BAIAP2L2: variants seen among roughly 807,000 people sequenced by gnomAD.
The protein encoded by BAIAP2L2 is BAR/IMD domain-containing adapter protein 2-like 2.
BAIAP2L2 carries 65 observed loss-of-function variants against 60.4 expected under a neutral mutation model. That is an observed-to-expected ratio of 1.08 (90% confidence interval 0.88 to 1.32). The LOEUF (loss-of-function observed/expected upper bound fraction) is 1.32, where lower values mean the gene tolerates loss of function less well. BAIAP2L2 is among the 40% of genes most tolerant of loss of function. BAIAP2L2 has a pLI of 0.00. For synonymous variants in BAIAP2L2, 344 were observed against 301.7 expected, an observed-to-expected ratio of 1.14 and a Z score of -1.45; for missense variants, 836 against 741.2, an observed-to-expected ratio of 1.13 and a Z score of -1.48.
At chr22:38,095,204 G>A (rs1352717933) in intron 7 of BAIAP2L2, among the ~76,000 whole-genome samples, 2 of 151,970 alleles carry the variant, frequency 1.3e-5, no homozygotes, top group Non-Finnish European at 2.9e-5. Flanking sequence ...AAAATACAAG[G>A]GTCATGCTGC....
chr22:38,105,912 T>C (rs569842049), intron 4 of BAIAP2L2, among the ~76,000 whole-genome samples: 41 of 152,286 alleles, frequency 2.7e-4, no homozygotes, highest in African/African-American at 9.1e-4. Context: ...CTGGCACTGT[T>C]CTGTCTGGTA....
rs771221740 is a variant in BAIAP2L2, at chr22:38,085,321, G to A, written c.1569C>T (p.Arg523=). Residue 523 remains arginine, a synonymous_variant, in exon 14 of 14, where the codon CGC becomes CGT. Coordinates refer to ENST00000381669, the MANE Select transcript of BAIAP2L2 (RefSeq NM_025045.6). ...VKLRPTITND[R]SAPLIR is the part of the protein sequence containing the mutation. ...CGCCTCAGCGGATGAGGGGTGCTGA[G>A]CGGTCATTGGTGATGGTGGGACGAA... 1 of 1,614,082 alleles carries A rather than the reference G, an allele frequency of 6.2e-7. No individual in the cohort carries two copies. The highest frequency in any genetic ancestry group is 8.5e-7 in the Non-Finnish European group (1 of 1,179,972).
intron 7 of BAIAP2L2, among the ~76,000 whole-genome samples, chr22:38,094,558 CTG>C (rs372596112): frequency 2.6e-5 from 4 of 152,276 alleles, no homozygotes; most frequent in African/African-American, 9.6e-5. Flanking sequence ...ATGCATGACT[CTG>C]TGAATATACT....
chr22:38,084,995 G>A lies in BAIAP2L2; in HGVS notation c.*305C>T, dbSNP rs947113653. ...GCAGGTACAAGGGGCTCCTCCCCAC[G>A]GGGGCAGAAAAGGGGGAAAGAGGTT... On this transcript the variant is annotated 3_prime_UTR_variant, in exon 14 of 14. Transcript: ENST00000381669. 13 of 339,634 alleles carry A rather than the reference G, an allele frequency of 3.8e-5. No homozygotes were observed. Among genetic ancestry groups the A allele is most frequent in the South Asian group, 6.5e-5 (2 of 30,966 alleles). 21.0% of individuals were successfully genotyped at this position (339,634 alleles called of 1,614,324 possible).
rs1196548760 is a variant in BAIAP2L2, at chr22:38,110,042, GGA to G, written c.51+431_51+432del. ...TCAGAAATGAGAGAGACAGAGACAG[GGA>G]GAGACAGAGAGAGAGAGAGAGACAG... On this transcript the variant is annotated intron_variant, in intron 1 of 13. Coordinates refer to ENST00000381669, the MANE Select transcript of BAIAP2L2 (RefSeq NM_025045.6). Among the ~76,000 whole-genome samples, 7 of 1,608 alleles carry G rather than the reference GGA, an allele frequency of 4.4e-3. 1 individual carries two copies. Among genetic ancestry groups the G allele is most frequent in the African/African-American group, 6.4e-3 (7 of 1,100 alleles). 1.1% of individuals were successfully genotyped at this position (1,608 alleles called of 152,430 possible). A position where few individuals can be genotyped will look rare whatever the true frequency, so the allele number is the denominator to read the frequency against.
intron 4 of BAIAP2L2, among the ~76,000 whole-genome samples, 178 bp from the exon 5 acceptor site, chr22:38,098,660 G>A (rs2086500808): frequency 6.6e-6 from 1 of 152,164 alleles, no homozygotes; most frequent in South Asian, 2.1e-4. Context: ...AGGACGAAAT[G>A]GTTAAACATT....
At chr22:38,107,644 A>G (rs142808895) in intron 4 of BAIAP2L2, among the ~76,000 whole-genome samples, 49 of 152,154 alleles carry the variant, frequency 3.2e-4, no homozygotes, top group African/African-American at 1.1e-3. Flanking sequence ...TCCTCTATAA[A>G]ATGGAGGCAG....
At chr22:38,086,476 G>T in intron 11 of BAIAP2L2, 27 bp from the exon 12 acceptor site, 1 of 1,469,574 alleles carries the variant, frequency 6.8e-7, no homozygotes, top group Non-Finnish European at 9.1e-7. Flanking sequence ...GAGGGGGAAG[G>T]AAAGGGGTTG....
Position 38,110,648 on chromosome 22 carries a change from G to T in BAIAP2L2, c.-123C>A, listed in dbSNP as rs2086826403. ...GCTGGCAGCGAGGAAGCCTCGGAGA[G>T]GGACCTGGAGATGGAGGCCTGCCTC... On this transcript the variant is annotated 5_prime_UTR_variant, in exon 1 of 14. Transcript: ENST00000381669. The T allele has an allele frequency of 2.8e-6, 2 of 722,606 alleles. No individual in the cohort carries two copies. Among genetic ancestry groups the T allele is most frequent in the Admixed American group, 3.0e-5 (1 of 33,210 alleles). 44.8% of individuals were successfully genotyped at this position (722,606 alleles called of 1,614,324 possible). A position where few individuals can be genotyped will look rare whatever the true frequency, so the allele number is the denominator to read the frequency against.
At chr22:38,108,414 G>T in intron 2 of BAIAP2L2, 73 bp from the exon 3 acceptor site, 1 of 1,214,172 alleles carries the variant, frequency 8.2e-7, no homozygotes, top group Non-Finnish European at 1.2e-6. Context: ...TTTTCATCTG[G>T]AGGGGACTGT....
At chr22:38,085,645 G>T in intron 13 of BAIAP2L2, 41 bp downstream of exon 13, 2 of 1,602,016 alleles carry the variant, frequency 1.2e-6, no homozygotes, top group Non-Finnish European at 1.7e-6. Context: ...CGCCGCACCT[G>T]CCACCCTCCT....
intron 7 of BAIAP2L2, among the ~76,000 whole-genome samples, chr22:38,093,054 T>TACTCAGGAGGCTGAGGCAGGAG (rs1239779068): frequency 5.9e-5 from 9 of 152,086 alleles, no homozygotes; most frequent in African/African-American, 1.9e-4. Flanking sequence ...TAATCCCAGC[T>TACTCAGGAGGCTGAGGCAGGAG]ACTCAGGAGG....
rs2086189353 is a variant in BAIAP2L2 at position 38,088,951 on chromosome 22, G to T, written c.915C>A (p.Ser305Arg). ...TGGAGCGCGAGCTTTGGGCGCTGCCGCTGTAGAGCGAGGCTGTGGGCGGGA... is the reference window on the plus strand; with the variant it reads ...TGGAGCGCGAGCTTTGGGCGCTGCCTCTGTAGAGCGAGGCTGTGGGCGGGA... Reference protein sequence around the residue: ...PRTPSASSLYSGSAQSSRSNS... With the variant: ...PRTPSASSLYRGSAQSSRSNS... The change falls in exon 10 of 14, where the codon AGC (serine) becomes AGA (arginine). Residue 305 changes from serine (S) to arginine (R), a missense_variant. Physicochemically the swap from Ser to Arg is moderately radical, Grantham distance 110 (BLOSUM62 -1). Coordinates refer to ENST00000381669, the MANE Select transcript of BAIAP2L2 (RefSeq NM_025045.6). 3.9e-6 allele frequency: 6 copies of T among 1,528,386 alleles called. No individual in the cohort carries two copies. The Middle Eastern group carries it at 6.9e-4, about 175-fold the overall frequency. 94.7% of individuals were successfully genotyped at this position (1,528,386 alleles called of 1,614,324 possible). A position where few individuals can be genotyped will look rare whatever the true frequency, so the allele number is the denominator to read the frequency against.
intron 4 of BAIAP2L2, among the ~76,000 whole-genome samples, chr22:38,101,465 C>T (rs530702214): frequency 4.9e-5 from 7 of 142,836 alleles, no homozygotes; most frequent in Admixed American, 2.2e-4. Flanking sequence ...GAGGATTGCC[C>T]GAGCCCAGGA....
chr22:38,099,519 G>C (rs2086521165), intron 4 of BAIAP2L2, among the ~76,000 whole-genome samples: 1 of 151,674 alleles, frequency 6.6e-6, no homozygotes, highest in South Asian at 2.1e-4. Flanking sequence ...GGGTGACAGA[G>C]TGAAACTCTG....
chr22:38,110,722 A>G (rs1177322523), upstream of BAIAP2L2: 1 of 565,782 alleles, frequency 1.8e-6, no homozygotes, highest in East Asian at 3.1e-5. Context: ...TCAGAATGTG[A>G]TCTGGGGCGT....
rs768771568 is a variant in BAIAP2L2 at position 38,097,185 on chromosome 22, G to A, written c.466-7C>T. On this transcript the variant is annotated splice_region_variant and splice_polypyrimidine_tract_variant and intron_variant, in intron 6 of 13. Transcript: ENST00000381669. ...GCAGCCGGTTCACACTCTCCTGGGG[G>A]GGAACGGGAGTTCTGGCTGGGGGCG... 6.2e-7 allele frequency: 1 copy of A among 1,610,648 alleles called. No homozygotes were observed. The highest frequency in any genetic ancestry group is 8.5e-7 in the Non-Finnish European group (1 of 1,177,606).
At chr22:38,089,479 G>C in intron 8 of BAIAP2L2, 43 bp downstream of exon 8, 1 of 1,125,460 alleles carries the variant, frequency 8.9e-7, no homozygotes, top group Non-Finnish European at 1.1e-6. Flanking sequence ...CCCGCGGGGG[G>C]CGGCGGGGGC....
intron 4 of BAIAP2L2, among the ~76,000 whole-genome samples, chr22:38,099,089 G>A (rs1183937211): frequency 2.0e-5 from 3 of 152,214 alleles, no homozygotes; most frequent in African/African-American, 2.4e-5. Context: ...CATGGCAAGT[G>A]GATGTCTGGC....
Sources: allele counts gnomAD v4.1 joint callset (sites outside exome capture counted in the v4.1 genomes callset), GRCh38; gene constraint gnomAD v4.1.1; transcripts MANE v1.5; gene names NCBI Gene and HGNC (gene_info 2026-07-23, HGNC 2026-07-21).